MYO16: variants seen among roughly 807,000 people sequenced by gnomAD.
The protein encoded by MYO16 is unconventional myosin-XVI.
Under a neutral mutation model 205.3 loss-of-function variants are expected in MYO16, and 94 were observed. That is an observed-to-expected ratio of 0.46 (90% CI 0.39 to 0.54). The LOEUF (loss-of-function observed/expected upper bound fraction) is 0.54, where lower values mean the gene tolerates loss of function less well. Among genes scored for constraint, MYO16 ranks in the 20% least tolerant of loss-of-function variants. The pLI, the probability that MYO16 is intolerant of heterozygous loss-of-function variation, is 0.00. For missense variants in MYO16, 2,315 were observed against 2,387.5 expected (o/e 0.97, Z 0.63); for synonymous variants, 988 against 954.0 (o/e 1.04, Z -0.66).
At chr13:108,761,949 A>G (rs570913783) in intron 4 of MYO16, among the ~76,000 whole-genome samples, 2 of 152,368 alleles carry the variant, frequency 1.3e-5, no homozygotes, top group Non-Finnish European at 2.9e-5. Context: ...TAGGGTATCC[A>G]TCACCTAAAT....
intron 34 of MYO16, among the ~76,000 whole-genome samples, chr13:109,204,755 A>T (rs895650952): frequency 7.9e-5 from 12 of 152,192 alleles, no homozygotes; most frequent in African/African-American, 2.9e-4. Flanking sequence ...GTCATTTTCC[A>T]TGTGGCTTTG....
At chr13:108,638,724 G>T (rs999802015) in intron 1 of MYO16, among the ~76,000 whole-genome samples, 1 of 152,046 alleles carries the variant, frequency 6.6e-6, no homozygotes, top group African/African-American at 2.4e-5. Flanking sequence ...TGTATAAATA[G>T]AATTTTTTTC....
intron 16 of MYO16, among the ~76,000 whole-genome samples, chr13:108,928,753 T>C (rs1220538059): frequency 2.0e-5 from 3 of 152,184 alleles, no homozygotes; most frequent in Non-Finnish European, 2.9e-5. Flanking sequence ...TTAAAATGCC[T>C]AAAAGTAAAA....
the MYO16 span, among the ~76,000 whole-genome samples, chr13:108,510,457 A>T: frequency 3.6e-4 from 16 of 44,644 alleles, no homozygotes; most frequent in East Asian, 1.8e-3. Flanking sequence ...TAACATTGAT[A>T]GCTGTTTTTT....
intron 2 of MYO16, among the ~76,000 whole-genome samples, chr13:108,705,257 A>G (rs577447318): frequency 1.3e-5 from 2 of 152,328 alleles, no homozygotes; most frequent in African/African-American, 4.8e-5. Flanking sequence ...AATCATCAAC[A>G]TCGTCTGCTC....
rs538281841 is a variant in MYO16 at position 108,689,865 on chromosome 13, A to G, written c.293-22796A>G. On this transcript the variant is annotated intron_variant, in intron 2 of 34. Transcript: ENST00000457511. ...TCAAGGAATGATATGTTATAAAAAT[A>G]GTATTCAAAACAAGATTCTACATCT... 2.3e-3 allele frequency among the ~76,000 whole-genome samples: 358 copies of G among 152,354 alleles called. 2 individuals carry two copies. The highest frequency in any genetic ancestry group is 8.2e-3 in the African/African-American group (343 of 41,596).
intron 7 of MYO16, among the ~76,000 whole-genome samples, chr13:108,815,659 AT>A (rs1336724541): frequency 6.6e-6 from 1 of 152,190 alleles, no homozygotes; most frequent in Non-Finnish European, 1.5e-5. Context: ...AAGGCAATAC[AT>A]TTTTATTGTT....
At chr13:109,200,146 T>C (rs971553356) in intron 34 of MYO16, among the ~76,000 whole-genome samples, 2 of 152,214 alleles carry the variant, frequency 1.3e-5, no homozygotes, top group African/African-American at 4.8e-5. Context: ...GATTTTAAAA[T>C]GCCCTCTCAG....
At chr13:108,640,018 T>A (rs1003538690) in intron 1 of MYO16, among the ~76,000 whole-genome samples, 1 of 152,202 alleles carries the variant, frequency 6.6e-6, no homozygotes, top group African/African-American at 2.4e-5. Context: ...CTGTCCAGTA[T>A]GTAGCCATAG....
chr13:108,857,230 TG>T (rs1201540504), intron 11 of MYO16, among the ~76,000 whole-genome samples: 1 of 152,232 alleles, frequency 6.6e-6, no homozygotes, highest in Non-Finnish European at 1.5e-5. Flanking sequence ...ATGGACTATC[TG>T]CCTTTAGAGA....
chr13:108,699,120 G>GTA (rs71125330), intron 2 of MYO16, among the ~76,000 whole-genome samples: 20,551 of 150,268 alleles, frequency 0.14, 1,757 homozygotes, highest in Non-Finnish European at 0.19. Context: ...ATGTGTGTGT[G>GTA]TATATACACA....
At chr13:108,611,819 G>T (rs1227708841) in intron 1 of MYO16, among the ~76,000 whole-genome samples, 1 of 152,006 alleles carries the variant, frequency 6.6e-6, no homozygotes, top group African/African-American at 2.4e-5. Flanking sequence ...TGAAGCTATG[G>T]CTCTAAACTG....
chr13:109,040,377 C>CAGAGAGAGAG (rs1178352857), intron 23 of MYO16, among the ~76,000 whole-genome samples: 19 of 77,550 alleles, frequency 2.5e-4, no homozygotes, highest in African/African-American at 9.0e-4. Flanking sequence ...CACACACACA[C>CAGAGAGAGAG]ACACACACAG....
At chr13:108,863,998 C>T (rs1878582451) in intron 11 of MYO16, among the ~76,000 whole-genome samples, 1 of 152,134 alleles carries the variant, frequency 6.6e-6, no homozygotes, top group Admixed American at 6.6e-5. Flanking sequence ...TCTGTTTTTA[C>T]ATCCATACAA....
chr13:108,641,390 G>T (rs1880496883), intron 1 of MYO16, among the ~76,000 whole-genome samples: 2 of 152,258 alleles, frequency 1.3e-5, no homozygotes, highest in East Asian at 3.9e-4. Flanking sequence ...GACAGGAAAG[G>T]CAGGCACAAA....
At chr13:108,805,340 T>A (rs778077789) in intron 6 of MYO16, among the ~76,000 whole-genome samples, 2 of 152,180 alleles carry the variant, frequency 1.3e-5, no homozygotes, top group Non-Finnish European at 2.9e-5. Flanking sequence ...TTACAAGAAA[T>A]AAACATATAT....
intron 32 of MYO16, among the ~76,000 whole-genome samples, chr13:109,158,233 A>G (rs967386726): frequency 2.0e-5 from 3 of 152,174 alleles, no homozygotes; most frequent in Non-Finnish European, 2.9e-5. Context: ...GCAAGGACTC[A>G]TCTTAACTCC....
chr13:108,854,346 C>A (rs1010982868), intron 10 of MYO16, among the ~76,000 whole-genome samples: 2 of 151,994 alleles, frequency 1.3e-5, no homozygotes, highest in African/African-American at 4.8e-5. Flanking sequence ...AGAAAATAAG[C>A]CCACTTTATG....
intron 14 of MYO16, among the ~76,000 whole-genome samples, chr13:108,890,108 T>TTA: frequency 7.1e-6 from 1 of 140,998 alleles, no homozygotes; most frequent in Non-Finnish European, 1.5e-5. Flanking sequence ...TTTTGTATTT[T>TTA]TTTTTTTTTT....
Sources: allele counts gnomAD v4.1 joint callset (sites outside exome capture counted in the v4.1 genomes callset), GRCh38; gene constraint gnomAD v4.1.1; transcripts MANE v1.5; gene names NCBI Gene and HGNC (gene_info 2026-07-23, HGNC 2026-07-21).